The following SGCZ variants were observed in gnomAD, a reference collection of about 807,000 sequenced individuals.
The protein encoded by SGCZ is zeta-sarcoglycan.
In SGCZ, 40 loss-of-function variants were observed where a neutral mutation model predicts 41.3. That is an observed-to-expected ratio of 0.97 (90% confidence interval 0.75 to 1.26). SGCZ has a LOEUF of 1.26. SGCZ is among the 50% of genes most tolerant of loss of function. The pLI, the probability that SGCZ is intolerant of heterozygous loss-of-function variation, is 0.00. For synonymous variants in SGCZ, 206 were observed against 137.5 expected (o/e 1.50, Z -3.49); for missense variants, 552 against 369.8 (o/e 1.49, Z -4.04).
At chr8:14,396,181 T>A (rs1798914137) in intron 2 of SGCZ, among the ~76,000 whole-genome samples, 1 of 152,170 alleles carries the variant, frequency 6.6e-6, no homozygotes, top group Non-Finnish European at 1.5e-5. Flanking sequence ...ATTATTTAAG[T>A]CCTCAGTAAA....
chr8:14,102,873 T>C (rs1321727930), intron 6 of SGCZ, among the ~76,000 whole-genome samples: 1 of 152,170 alleles, frequency 6.6e-6, no homozygotes, highest in East Asian at 1.9e-4. Context: ...CTTACTAGTA[T>C]TAATGATGGA....
At chr8:14,361,585 C>CT (rs1803513104) in intron 2 of SGCZ, among the ~76,000 whole-genome samples, 1 of 152,238 alleles carries the variant, frequency 6.6e-6, no homozygotes, top group East Asian at 1.9e-4. Flanking sequence ...TTCATCTAAG[C>CT]TTTTTTAAGG....
At chr8:15,111,519 T>C (rs1807052965) in intron 1 of SGCZ, among the ~76,000 whole-genome samples, 1 of 152,156 alleles carries the variant, frequency 6.6e-6, no homozygotes, top group African/African-American at 2.4e-5. Flanking sequence ...AAAGGAGTAC[T>C]TACACCTCAG....
intron 3 of SGCZ, among the ~76,000 whole-genome samples, chr8:14,277,347 G>GCCATC (rs1554492494): frequency 2.6e-5 from 4 of 151,774 alleles, no homozygotes; most frequent in Non-Finnish European, 5.9e-5. Context: ...TACATAGTAT[G>GCCATC]CCTTCCTCTT....
At chr8:14,175,802 A>G (rs1367275555) in intron 4 of SGCZ, among the ~76,000 whole-genome samples, 2 of 152,132 alleles carry the variant, frequency 1.3e-5, no homozygotes, top group Non-Finnish European at 2.9e-5. Flanking sequence ...GCTGGATATA[A>G]AACCAAATCC....
intron 3 of SGCZ, among the ~76,000 whole-genome samples, chr8:14,268,539 C>T (rs866581261): frequency 1.3e-5 from 2 of 151,812 alleles, no homozygotes; most frequent in Middle Eastern, 6.8e-3. Context: ...TTTCATAAAG[C>T]ACTGGTGGTC....
intron 1 of SGCZ, among the ~76,000 whole-genome samples, chr8:14,847,481 A>C (rs1563312465): frequency 6.7e-6 from 1 of 150,244 alleles, no homozygotes; most frequent in African/African-American, 2.4e-5. Context: ...TCTCAAGTGA[A>C]TCTATGTAAT....
chr8:14,511,953 G>C (rs964657833), intron 2 of SGCZ, among the ~76,000 whole-genome samples: 1 of 152,052 alleles, frequency 6.6e-6, no homozygotes, highest in Non-Finnish European at 1.5e-5. Context: ...ATATAATAAA[G>C]GTTGGAAATA....
intron 4 of SGCZ, among the ~76,000 whole-genome samples, chr8:14,235,127 G>C (rs547099508): frequency 3.9e-5 from 6 of 152,248 alleles, no homozygotes; most frequent in African/African-American, 1.4e-4. Flanking sequence ...TTAGAGATGA[G>C]AAAACGGAGT....
intron 1 of SGCZ, among the ~76,000 whole-genome samples, chr8:14,973,950 C>T (rs561373980): frequency 5.3e-5 from 8 of 152,106 alleles, no homozygotes; most frequent in Admixed American, 4.6e-4. Flanking sequence ...ATGGACATTT[C>T]CAAAATTACA....
chr8:15,103,915 T>C (rs1039243983), intron 1 of SGCZ, among the ~76,000 whole-genome samples: 1 of 152,134 alleles, frequency 6.6e-6, no homozygotes, highest in East Asian at 1.9e-4. Flanking sequence ...ACTAATGAAG[T>C]GTTGATTAGT....
At chr8:14,259,009 T>C (rs1325672607) in intron 3 of SGCZ, among the ~76,000 whole-genome samples, 1 of 152,192 alleles carries the variant, frequency 6.6e-6, no homozygotes, top group Non-Finnish European at 1.5e-5. Context: ...TATATTTAGC[T>C]GTGTCTTCCT....
At chr8:14,092,578 T>G (rs1801721280) in intron 7 of SGCZ, among the ~76,000 whole-genome samples, 1 of 152,002 alleles carries the variant, frequency 6.6e-6, no homozygotes, top group Non-Finnish European at 1.5e-5. Flanking sequence ...TGGGAGATAG[T>G]TAAATCATGG....
chr8:14,318,560 G>C (rs935731797), intron 3 of SGCZ, among the ~76,000 whole-genome samples: 4 of 151,988 alleles, frequency 2.6e-5, no homozygotes, highest in Non-Finnish European at 4.4e-5. Flanking sequence ...AGTACATAGA[G>C]AGTGCTAGAA....
At chr8:14,761,685 C>G (rs1247562639) in intron 1 of SGCZ, among the ~76,000 whole-genome samples, 2 of 151,800 alleles carry the variant, frequency 1.3e-5, no homozygotes, top group Non-Finnish European at 2.9e-5. Flanking sequence ...GCCGCCACAC[C>G]TGGCTAATTT....
chr8:15,214,104 C>A (rs1473661005), intron 1 of SGCZ, among the ~76,000 whole-genome samples: 1 of 151,840 alleles, frequency 6.6e-6, no homozygotes, highest in South Asian at 2.1e-4. Context: ...ATGAAATGTT[C>A]TCTGATGATC....
At chr8:14,820,705 A>T (rs563865205) in intron 1 of SGCZ, among the ~76,000 whole-genome samples, 1 of 152,158 alleles carries the variant, frequency 6.6e-6, no homozygotes, top group African/African-American at 2.4e-5. Flanking sequence ...AATTTACAAT[A>T]ACATGGAAAT....
At chr8:14,998,657 G>A (rs373555053) in intron 1 of SGCZ, among the ~76,000 whole-genome samples, 9 of 152,282 alleles carry the variant, frequency 5.9e-5, no homozygotes, top group East Asian at 3.9e-4. Context: ...ATTTTACTAG[G>A]TATAAATGTC....
intron 4 of SGCZ, among the ~76,000 whole-genome samples, chr8:14,224,034 C>A (rs866925057): frequency 6.6e-6 from 1 of 152,162 alleles, no homozygotes; most frequent in African/African-American, 2.4e-5. Flanking sequence ...TCAACTTGTA[C>A]CTATTCATCA....
Sources: gnomAD v4.1 joint callset for allele counts (sites outside exome capture counted in the v4.1 genomes callset) on GRCh38, gnomAD v4.1.1 for gene constraint, MANE v1.5 for transcripts, NCBI Gene and HGNC (gene_info 2026-07-23, HGNC 2026-07-21) for gene names.